Variants in USP28 observed in about 807,000 individuals in gnomAD.
The protein encoded by USP28 is ubiquitin specific peptidase 28.
Under a neutral mutation model 145.0 loss-of-function variants are expected in USP28, and 113 were observed. That is an observed-to-expected ratio of 0.78 (90% CI 0.67 to 0.91). The LOEUF (loss-of-function observed/expected upper bound fraction) is 0.91, where lower values mean the gene tolerates loss of function less well. Among genes scored for constraint, USP28 ranks in the 40% least tolerant of loss-of-function variants. The pLI is 0.00. For synonymous variants in USP28, 447 were observed against 450.9 expected, an observed-to-expected ratio of 0.99 and a Z score of 0.11; for missense variants, 1,201 against 1,289.6, an observed-to-expected ratio of 0.93 and a Z score of 1.05.
At position 113,841,649 on chromosome 11, in the gene USP28, G is replaced by C; in HGVS notation, c.374+14C>G. ...CAAATGTGGGGGGCAAGAATTATAA[G>C]TTAAATCAATAACCTGTTAAGATCT... On this transcript the variant is annotated intron_variant, in intron 4 of 24. Transcript: ENST00000003302. The C allele has an allele frequency of 1.3e-6, 2 of 1,571,940 alleles. No homozygotes were observed. Among genetic ancestry groups the C allele is most frequent in the Non-Finnish European group, 1.7e-6 (2 of 1,148,076 alleles).
At chr11:113,849,108 A>G (rs1946185759) in intron 3 of USP28, among the ~76,000 whole-genome samples, 1 of 152,330 alleles carries the variant, frequency 6.6e-6, no homozygotes, top group Non-Finnish European at 1.5e-5. Flanking sequence ...TGCCCAAGAG[A>G]GTTCCATAAT....
chr11:113,824,696 C>T lies in USP28; in HGVS notation c.1188-996G>A, dbSNP rs1006866593. ...CTGTAATCCCAACACTTTGGGAGGC[C>T]GAGGCAGGCGGATTACCTGAGGACG... On this transcript the variant is annotated intron_variant, in intron 11 of 24. Coordinates refer to ENST00000003302, the Ensembl canonical transcript of USP28. Among the ~76,000 whole-genome samples, 8 of 151,254 alleles carry T rather than the reference C, an allele frequency of 5.3e-5. No individual in the cohort carries two copies. The East Asian group carries it at 6.0e-4, about 11-fold the overall frequency.
At chr11:113,798,386 G>A (rs1431923135) in exon 25 of USP28, 1 of 151,724 alleles carries the variant, frequency 6.6e-6, no homozygotes, top group Non-Finnish European at 1.5e-5. Context: ...CTGAACGCCA[G>A]CCTGGGCGAC....
chr11:113,869,041 T>C (rs897987599), intron 1 of USP28, among the ~76,000 whole-genome samples: 1 of 151,650 alleles, frequency 6.6e-6, no homozygotes, highest in Non-Finnish European at 1.5e-5. Context: ...ATGCCTGTAA[T>C]CCCAGCACTT....
At chr11:113,806,631 G>T in intron 18 of USP28, 47 bp from the exon 20 acceptor site, 1 of 1,344,696 alleles carries the variant, frequency 7.4e-7, no homozygotes, top group South Asian at 1.4e-5. Flanking sequence ...GAGAAGAAAG[G>T]TTCAGCAGAA....
In USP28 at chr11:113,846,745, C is replaced by T. The variant is rs369052282; in HGVS notation, c.269-4977G>A. ...GTGGCTCACATCTGTAATCCCAACACTTTGGGAGACTGAGGCAGGCGGATC... is the reference window on the plus strand; with the variant it reads ...GTGGCTCACATCTGTAATCCCAACATTTTGGGAGACTGAGGCAGGCGGATC... On this transcript the variant is annotated intron_variant, in intron 3 of 24. Coordinates refer to ENST00000003302, the Ensembl canonical transcript of USP28. Among the ~76,000 whole-genome samples the T allele has an allele frequency of 3.3e-5, 5 of 152,190 alleles. No individual in the cohort carries two copies. In the South Asian group the frequency reaches 1.0e-3, roughly 32 times the overall value.
At chr11:113,835,530 G>A (rs932139540) in intron 5 of USP28, among the ~76,000 whole-genome samples, 1 of 152,120 alleles carries the variant, frequency 6.6e-6, no homozygotes, top group South Asian at 2.1e-4. Context: ...GTGTTCAACC[G>A]GACTGAAGTG....
chr11:113,863,815 G>A (rs1354883833), intron 1 of USP28, among the ~76,000 whole-genome samples: 5 of 150,144 alleles, frequency 3.3e-5, no homozygotes, highest in African/African-American at 7.4e-5. Context: ...CATGGTGGCC[G>A]GCGCCTGTAG....
chr11:113,812,602 GGGGTT>G, intron 15 of USP28, 98 bp from the exon 16 acceptor site: 1 of 1,056,082 alleles, frequency 9.5e-7, no homozygotes, highest in Non-Finnish European at 1.4e-6. Context: ...TGATTAATGT[GGGGTT>G]CATATTAAAA....
rs553098530 is a variant in USP28, at chr11:113,822,669, TAA to T, written c.1283+934_1283+935del. ...AATTTCCAGCCTTACAAAGTATCAC[TAA>T]AACTTAAAGGTTTAGTAAAATACTA... On this transcript the variant is annotated intron_variant, in intron 12 of 24. Coordinates refer to ENST00000003302, the Ensembl canonical transcript of USP28. Among the ~76,000 whole-genome samples the T allele has an allele frequency of 1.1e-4, 16 of 152,344 alleles. No homozygotes were observed. The South Asian group carries it at 3.3e-3, about 32-fold the overall frequency.
chr11:113,839,396 C>T (rs1157387031), intron 5 of USP28, among the ~76,000 whole-genome samples: 1 of 152,056 alleles, frequency 6.6e-6, no homozygotes, highest in Non-Finnish European at 1.5e-5. Context: ...ACCAGCATGG[C>T]CAACATGATG....
At chr11:113,862,495 G>C (rs938514839) in intron 1 of USP28, among the ~76,000 whole-genome samples, 4 of 152,182 alleles carry the variant, frequency 2.6e-5, no homozygotes, top group Non-Finnish European at 5.9e-5. Flanking sequence ...AGGAAGAAAA[G>C]GCATTTAAGT....
intron 3 of USP28, among the ~76,000 whole-genome samples, chr11:113,845,529 C>T (rs1945732587): frequency 6.6e-6 from 1 of 152,070 alleles, no homozygotes; most frequent in South Asian, 2.1e-4. Context: ...AAAAATAGAA[C>T]AACCGTATGA....
intron 1 of USP28, among the ~76,000 whole-genome samples, chr11:113,858,185 G>C (rs905240738): frequency 6.6e-6 from 1 of 152,056 alleles, no homozygotes; most frequent in Non-Finnish European, 1.5e-5. Flanking sequence ...TTTTTTAAAG[G>C]CTACTGGGTA....
intron 3 of USP28, among the ~76,000 whole-genome samples, chr11:113,843,059 C>T (rs566430368): frequency 4.1e-4 from 63 of 152,172 alleles, no homozygotes; most frequent in African/African-American, 1.4e-3. Context: ...GGTGGAACCT[C>T]GTCTCTACTA....
At chr11:113,844,889 G>C (rs1200974481) in intron 3 of USP28, among the ~76,000 whole-genome samples, 2 of 152,028 alleles carry the variant, frequency 1.3e-5, no homozygotes, top group Non-Finnish European at 2.9e-5. Flanking sequence ...CAGATGGCTT[G>C]AGCTAAGGAG....
At chr11:113,814,081 G>A in intron 14 of USP28, 126 bp from the exon 15 acceptor site, 6 of 661,306 alleles carry the variant, frequency 9.1e-6, no homozygotes, top group East Asian at 2.8e-5. Flanking sequence ...TATGAACCAC[G>A]AAGCAATATA....
At chr11:113,800,598 T>A (rs893660438) in intron 24 of USP28, among the ~76,000 whole-genome samples, 4 of 152,010 alleles carry the variant, frequency 2.6e-5, no homozygotes, top group African/African-American at 9.7e-5. Context: ...GCCCCATCAA[T>A]AGAGTATCTC....
intron 1 of USP28, among the ~76,000 whole-genome samples, chr11:113,863,966 C>T (rs1478275827): frequency 1.1e-4 from 16 of 149,502 alleles, no homozygotes; most frequent in East Asian, 4.0e-4. Flanking sequence ...TTGCTGGTCA[C>T]GGTGGCTCAC....
Sources: gnomAD v4.1 joint callset for allele counts (sites outside exome capture counted in the v4.1 genomes callset) on GRCh38, gnomAD v4.1.1 for gene constraint, MANE v1.5 for transcripts, NCBI Gene and HGNC (gene_info 2026-07-23, HGNC 2026-07-21) for gene names.